Variants in ANO3 observed in about 807,000 individuals in gnomAD.
ANO3 encodes the protein anoctamin-3.
A neutral mutation model predicts 144.8 loss-of-function variants in ANO3; 99 were observed. That is an observed-to-expected ratio of 0.68 (90% confidence interval 0.58 to 0.81). ANO3 has a LOEUF of 0.81. Among genes scored for constraint, ANO3 ranks in the 30% least tolerant of loss-of-function variants. ANO3 has a pLI of 0.00. For synonymous variants in ANO3, 414 were observed against 392.6 expected, an observed-to-expected ratio of 1.05 and a Z score of -0.64; for missense variants, 905 against 1,202.2, an observed-to-expected ratio of 0.75 and a Z score of 3.66.
intron 1 of ANO3, among the ~76,000 whole-genome samples, chr11:26,341,675 G>A (rs1341555570): frequency 6.6e-6 from 1 of 152,132 alleles, no homozygotes; most frequent in Non-Finnish European, 1.5e-5. Flanking sequence ...CCCATGATAG[G>A]CCGTCTGCAA....
chr11:26,242,340 A>C (rs1242322744), intron 1 of ANO3, among the ~76,000 whole-genome samples: 1 of 152,168 alleles, frequency 6.6e-6, no homozygotes, highest in African/African-American at 2.4e-5. Context: ...CATCCATATG[A>C]AATCTACTCT....
intron 5 of ANO3, among the ~76,000 whole-genome samples, chr11:26,512,759 G>T (rs1460410804): frequency 6.6e-6 from 1 of 152,144 alleles, no homozygotes; most frequent in African/African-American, 2.4e-5. Context: ...CATCCTAGAG[G>T]TTGAGAGTAA....
intron 1 of ANO3, among the ~76,000 whole-genome samples, chr11:26,302,695 A>T (rs116178081): frequency 0.016 from 2,484 of 152,266 alleles, 70 homozygotes; most frequent in African/African-American, 0.056. Context: ...AAGAAATAAC[A>T]TGCCTTATAT....
At chr11:26,306,275 A>T (rs1456660950), upstream of ANO3, among the ~76,000 whole-genome samples, 8 of 151,860 alleles carry the variant, frequency 5.3e-5, no homozygotes, top group African/African-American at 1.9e-4. Context: ...CTCCCGGCCT[A>T]TTCTTCCTAT....
intron 1 of ANO3, among the ~76,000 whole-genome samples, chr11:26,206,485 T>C (rs1435814093): frequency 6.6e-6 from 1 of 152,170 alleles, no homozygotes; most frequent in East Asian, 1.9e-4. Flanking sequence ...AAAAATTAGC[T>C]TCTATTTTAA....
chr11:26,619,930 A>G (rs1852368181), intron 17 of ANO3, among the ~76,000 whole-genome samples: 1 of 152,248 alleles, frequency 6.6e-6, no homozygotes, highest in Non-Finnish European at 1.5e-5. Context: ...ATTTTGATGC[A>G]CAGTCAGGAT....
intron 1 of ANO3, among the ~76,000 whole-genome samples, chr11:26,204,761 C>T (rs931818718): frequency 2.6e-5 from 4 of 152,036 alleles, no homozygotes; most frequent in Non-Finnish European, 5.9e-5. Context: ...TTTTATCTCC[C>T]ATATTATCTG....
chr11:26,486,041 A>T (rs1398700202), intron 4 of ANO3, among the ~76,000 whole-genome samples: 2 of 151,600 alleles, frequency 1.3e-5, no homozygotes, highest in Non-Finnish European at 2.9e-5. Context: ...TCAATAAAGC[A>T]AATATTCCTT....
intron 1 of ANO3, among the ~76,000 whole-genome samples, chr11:26,423,676 G>T (rs1344973221): frequency 6.6e-6 from 1 of 151,908 alleles, no homozygotes; most frequent in Non-Finnish European, 1.5e-5. Flanking sequence ...AGTTTGCCAA[G>T]ATCGTGGATA....
chr11:26,615,394 T>TTATA (rs201511864), intron 17 of ANO3, among the ~76,000 whole-genome samples: 2 of 128,902 alleles, frequency 1.6e-5, no homozygotes, highest in African/African-American at 5.9e-5. Flanking sequence ...TTCTGTCAGT[T>TTATA]TATATATATA....
At position 26,219,707 on chromosome 11, in the gene ANO3, G is replaced by A. The variant is rs11824467; in HGVS notation, c.154+30377G>A. Among the ~76,000 whole-genome samples the A allele has an allele frequency of 7.1e-3, 1,086 of 152,276 alleles. 12 individuals are homozygous for A. The highest frequency in any genetic ancestry group is 0.025 in the African/African-American group (1,029 of 41,554). On this transcript the variant is annotated intron_variant, in intron 1 of 27. Coordinates refer to the ANO3 transcript ENST00000672621. ...CTCAGAGTACATTCTCATGAGTCTG[G>A]TGAGACAGAACCCTCACACAGGAAG...
chr11:26,372,954 A>C (rs1006745318), intron 1 of ANO3, among the ~76,000 whole-genome samples: 5 of 152,196 alleles, frequency 3.3e-5, no homozygotes, highest in South Asian at 2.1e-4. Flanking sequence ...AAAAAATCCC[A>C]AAAATATAAA....
At chr11:26,615,414 A>ATATATATTTT (rs1352935016) in intron 17 of ANO3, among the ~76,000 whole-genome samples, 2 of 130,684 alleles carry the variant, frequency 1.5e-5, no homozygotes, top group Non-Finnish European at 3.2e-5. Flanking sequence ...ATATATATAT[A>ATATATATTTT]TTTTTTTTTT....
chr11:26,647,437 G>C (rs1228644827), intron 23 of ANO3, among the ~76,000 whole-genome samples: 5 of 152,232 alleles, frequency 3.3e-5, no homozygotes, highest in Middle Eastern at 3.4e-3. Flanking sequence ...GTGCACCTGT[G>C]CACCTGTGCC....
intron 1 of ANO3, among the ~76,000 whole-genome samples, chr11:26,369,270 A>G (rs1240595158): frequency 1.3e-5 from 2 of 152,192 alleles, no homozygotes; most frequent in South Asian, 4.1e-4. Flanking sequence ...TCAAAAGGGC[A>G]TTTAGGAACT....
chr11:26,331,860 A>G (rs1855051248), upstream of ANO3: 1 of 182,808 alleles, frequency 5.5e-6, no homozygotes, highest in South Asian at 1.4e-4. Flanking sequence ...GGGTTTACCT[A>G]CCAACTTTTA....
intron 3 of ANO3, among the ~76,000 whole-genome samples, chr11:26,459,794 G>T (rs1167504922): frequency 6.6e-6 from 1 of 152,038 alleles, no homozygotes; most frequent in South Asian, 2.1e-4. Context: ...TTGATGTAGG[G>T]TACAAGAGAA....
chr11:26,656,254 TC>T (rs753478311), intron 25 of ANO3, 49 bp downstream of exon 25: 30 of 1,535,728 alleles, frequency 2.0e-5, no homozygotes, highest in Non-Finnish European at 2.0e-5. Flanking sequence ...TTCCAAGTAC[TC>T]CCCCCTGCAT....
chr11:26,248,030 C>T lies in ANO3; in HGVS notation c.154+58700C>T, dbSNP rs552037489. Among the ~76,000 whole-genome samples the T allele has an allele frequency of 1.5e-4, 23 of 151,922 alleles. No homozygotes were observed. The East Asian group carries it at 3.7e-3, about 25-fold the overall frequency. On this transcript the variant is annotated intron_variant, in intron 1 of 27. Transcript: ENST00000672621. ...ACAGGCGTGAGCCAACATACCTGGA[C>T]GCTCCAGTCATTTTTAAGAGGAAGG... is the stretch of plus-strand genomic sequence containing the variant.
Sources: allele counts gnomAD v4.1 joint callset (sites outside exome capture counted in the v4.1 genomes callset), GRCh38; gene constraint gnomAD v4.1.1; transcripts MANE v1.5; gene names NCBI Gene and HGNC (gene_info 2026-07-23, HGNC 2026-07-21).